CFAP74: variants seen among roughly 807,000 people sequenced by gnomAD.
CFAP74 encodes the protein cilia- and flagella-associated protein 74.
In CFAP74, 124 loss-of-function variants were observed where a neutral mutation model predicts 188.9. The ratio of observed to expected loss-of-function variants is 0.66; its 90% CI spans 0.57 to 0.76. The LOEUF (loss-of-function observed/expected upper bound fraction) is 0.76. Ranked by LOEUF, CFAP74 falls within the 30% of genes least tolerant of loss-of-function variation. The probability of loss-of-function intolerance (pLI) is 0.00; values close to 1 mark genes in which losing one functional copy is unlikely to be tolerated. For synonymous variants in CFAP74, 956 were observed against 916.7 expected (o/e 1.04, Z -0.77); for missense variants, 2,198 against 2,165.2 (o/e 1.02, Z -0.30).
chr1:1,975,578 G>T lies in CFAP74; in HGVS notation c.501-1380C>A, dbSNP rs1487981304. On this transcript the variant is annotated intron_variant, in intron 6 of 38. Transcript: ENST00000682832. The surrounding 1 kb of genome is among the most constrained non-coding windows in gnomAD (Gnocchi z 4.5). ...AACTGGGCATACCATGTTCTTTGTTGGGGTAATTTTAAACAGAGGGCTCCT... is the reference window on the plus strand; with the variant it reads ...AACTGGGCATACCATGTTCTTTGTTTGGGTAATTTTAAACAGAGGGCTCCT... Among the ~76,000 whole-genome samples, 2 of 152,124 alleles carry T rather than the reference G, an allele frequency of 1.3e-5. No homozygotes were observed. Among genetic ancestry groups the T allele is most frequent in the African/African-American group, 2.4e-5 (1 of 41,418 alleles).
chr1:1,963,910 G>A (rs182675848), intron 13 of CFAP74, 43 bp from the exon 14 acceptor site: 12 of 1,326,796 alleles, frequency 9.0e-6, no homozygotes, highest in Middle Eastern at 1.8e-4. Flanking sequence ...GGTCACAGGG[G>A]GCTGTGCTGT....
intron 6 of CFAP74, among the ~76,000 whole-genome samples, chr1:1,982,441 A>G (rs1203078976): frequency 6.6e-6 from 1 of 152,234 alleles, no homozygotes; most frequent in African/African-American, 2.4e-5. Flanking sequence ...GGGGACACGC[A>G]TATGCATGAG....
At position 1,946,427 on chromosome 1, in the gene CFAP74, C is replaced by T. The variant is rs749072993; in HGVS notation, c.2254G>A (p.Glu752Lys). The T allele has an allele frequency of 1.3e-5, 20 of 1,536,252 alleles. No homozygotes were observed. Among genetic ancestry groups the T allele is most frequent in the Non-Finnish European group, 1.7e-5 (19 of 1,146,290 alleles). Residue 752 changes from glutamate (E) to lysine (K), a missense_variant, in exon 20 of 39, where the codon GAA (glutamate) becomes AAA (lysine). Physicochemically the swap from Glu to Lys is moderately conservative, Grantham distance 56. Coordinates refer to ENST00000682832, the MANE Select transcript of CFAP74 (RefSeq NM_001304360.2). ...EITLGEVTEGEIGPFSSIKVP... is the reference protein window; with the variant it reads ...EITLGEVTEGKIGPFSSIKVP... ...TTGATGGAGCTGAAGGGGCCAATTT[C>T]CCCTTCTGTTACCTGCACAGGAAGA...
At chr1:1,952,118 A>AT (rs1171023517) in intron 18 of CFAP74, among the ~76,000 whole-genome samples, 1 of 151,844 alleles carries the variant, frequency 6.6e-6, no homozygotes, top group Admixed American at 6.6e-5. Context: ...TTCCTGGCTC[A>AT]TTTTTTGTAT....
chr1:1,955,995 G>T, intron 17 of CFAP74, 145 bp from the exon 18 acceptor site: 1 of 1,387,346 alleles, frequency 7.2e-7, no homozygotes, highest in Non-Finnish European at 9.5e-7. Flanking sequence ...TCGGCTGCCT[G>T]CTCTCGTCTC....
chr1:1,946,994 C>T lies in CFAP74; in HGVS notation c.2237G>A (p.Gly746Glu), dbSNP rs1338595498. The change falls in exon 19 of 39, where the codon GGG (glycine) becomes GAG (glutamate). Residue 746 changes from glycine (G) to glutamate (E), a missense_variant. Physicochemically the swap from Gly to Glu is moderately conservative, Grantham distance 98 (BLOSUM62 -2). Coordinates refer to ENST00000682832, the MANE Select transcript of CFAP74 (RefSeq NM_001304360.2). Reference sequence around the variant, plus strand: ...TTAGGGCCTGAGCTGGCTGACCTCCCCCAGCGTGATCTCCGTCTGCTCTTC... The same window carrying T: ...TTAGGGCCTGAGCTGGCTGACCTCCTCCAGCGTGATCTCCGTCTGCTCTTC... ...PSEEQTEITL[G>E]EVTEGEIGPF... is the part of the protein sequence containing the mutation. 6.5e-7 allele frequency: 1 copy of T among 1,535,562 alleles called. No homozygotes were observed.
At chr1:1,949,141 C>CTCCT in intron 18 of CFAP74, among the ~76,000 whole-genome samples, 1 of 104,634 alleles carries the variant, frequency 9.6e-6, no homozygotes, top group Non-Finnish European at 2.1e-5. Context: ...CCCTCCCTCC[C>CTCCT]TCCCTTCCTT....
At chr1:1,969,509 C>T (rs1336480755) in intron 10 of CFAP74, among the ~76,000 whole-genome samples, 1 of 151,274 alleles carries the variant, frequency 6.6e-6, no homozygotes, top group African/African-American at 2.4e-5. Context: ...GCAGCCCAGT[C>T]CCCCAGCAGC....
At chr1:1,971,182 C>T (rs568394286) in intron 9 of CFAP74, among the ~76,000 whole-genome samples, 3 of 151,996 alleles carry the variant, frequency 2.0e-5, no homozygotes, top group Admixed American at 6.5e-5. Flanking sequence ...CCTGCACACA[C>T]GTGCACAGAC....
intron 21 of CFAP74, among the ~76,000 whole-genome samples, chr1:1,943,277 C>CG (rs140921481): frequency 0.034 from 5,236 of 152,306 alleles, 316 homozygotes; most frequent in African/African-American, 0.12. Context: ...TGTAGTAGGA[C>CG]GATGCCGGAG....
intron 25 of CFAP74, among the ~76,000 whole-genome samples, chr1:1,934,004 G>A (rs1298220960): frequency 6.6e-6 from 1 of 152,166 alleles, no homozygotes; most frequent in African/African-American, 2.4e-5. Flanking sequence ...GTGCCCATGA[G>A]GATCAGTCAC....
intron 6 of CFAP74, among the ~76,000 whole-genome samples, chr1:1,980,129 G>A (rs1482237206): frequency 3.1e-5 from 4 of 128,934 alleles, no homozygotes; most frequent in Admixed American, 1.6e-4. Context: ...CGCAGTGGGC[G>A]CCCTCTTACC....
chr1:1,983,124 G>A lies in CFAP74; in HGVS notation c.500+2262C>T, dbSNP rs28615658. Among the ~76,000 whole-genome samples, 887 of 152,276 alleles carry A rather than the reference G, an allele frequency of 5.8e-3. 5 individuals are homozygous for A. The highest frequency in any genetic ancestry group is 0.02 in the African/African-American group (845 of 41,556). On this transcript the variant is annotated intron_variant, in intron 6 of 38. Transcript: ENST00000682832. ...GGGACACAGCACCCCCAGCCTACAC[G>A]GAGAGCGATCACGGAGGGGGAACGC...
chr1:1,926,902 C>T lies in CFAP74; in HGVS notation c.3654G>A (p.Leu1218=), dbSNP rs1424919765. The T allele has an allele frequency of 6.5e-7, 1 of 1,549,928 alleles. No homozygotes were observed. The highest frequency in any genetic ancestry group is 8.7e-7 in the Non-Finnish European group (1 of 1,146,792). ...GCCAGAGCACCCCGCACCTGAAGCTCAGGGGTTCTGACCCCTTCCTGTCTT... is the reference window on the plus strand; with the variant it reads ...GCCAGAGCACCCCGCACCTGAAGCTTAGGGGTTCTGACCCCTTCCTGTCTT... ...DIKDRKGSEP[L]SFSPHNTLYL... is the part of the protein sequence containing the mutation. The change falls in exon 29 of 39, where the codon CTG becomes CTA. Residue 1218 remains leucine, a synonymous_variant. Transcript: ENST00000682832.
intron 5 of CFAP74, among the ~76,000 whole-genome samples, chr1:1,986,277 C>T (rs1657230018): frequency 6.6e-6 from 1 of 152,210 alleles, no homozygotes; most frequent in South Asian, 2.1e-4. Context: ...ATCCCAGCTA[C>T]TCCGGAGGCT....
intron 18 of CFAP74, 69 bp from the exon 19 acceptor site, chr1:1,947,123 G>A (rs1463519253): frequency 2.8e-5 from 33 of 1,186,396 alleles, no homozygotes; most frequent in Non-Finnish European, 3.9e-5. Flanking sequence ...GGCCCCCTTG[G>A]GACGTGGTCA....
intron 1 of CFAP74, among the ~76,000 whole-genome samples, chr1:1,996,974 T>G (rs769992566): frequency 1.5e-5 from 2 of 137,084 alleles, no homozygotes; most frequent in Non-Finnish European, 3.2e-5. Flanking sequence ...ACATCTGTAA[T>G]GTGATAGAGT....
intron 16 of CFAP74, among the ~76,000 whole-genome samples, chr1:1,957,471 G>T (rs900366562): frequency 6.6e-6 from 1 of 152,196 alleles, no homozygotes; most frequent in East Asian, 1.9e-4. Flanking sequence ...CCTGGGTCCT[G>T]TTCTCCCCTT....
chr1:1,963,588 CAAG>C (rs1179018131), intron 14 of CFAP74, among the ~76,000 whole-genome samples, 158 bp downstream of exon 14: 1 of 151,426 alleles, frequency 6.6e-6, no homozygotes, highest in East Asian at 1.9e-4. Flanking sequence ...GACTTTGACA[CAAG>C]AAGACAGAGG....
Sources: allele counts gnomAD v4.1 joint callset (sites outside exome capture counted in the v4.1 genomes callset), GRCh38; gene constraint gnomAD v4.1.1; non-coding constraint Gnocchi (gnomAD v3.1); transcripts MANE v1.5; gene names NCBI Gene and HGNC (gene_info 2026-07-23, HGNC 2026-07-21).